EXOC6: variants seen among roughly 807,000 people sequenced by gnomAD.
EXOC6 encodes SEC15-like 1.
A neutral mutation model predicts 112.5 loss-of-function variants in EXOC6; 60 were observed. The ratio of observed to expected loss-of-function variants is 0.53; its 90% CI spans 0.43 to 0.66. The LOEUF (loss-of-function observed/expected upper bound fraction) is 0.66, where lower values mean the gene tolerates loss of function less well. EXOC6 is among the 30% of genes least tolerant of loss of function. The pLI is 0.00. For missense variants in EXOC6, 855 were observed against 957.1 expected, an observed-to-expected ratio of 0.89 and a Z score of 1.41; for synonymous variants, 295 against 308.0, an observed-to-expected ratio of 0.96 and a Z score of 0.44.
intron 8 of EXOC6, among the ~76,000 whole-genome samples, chr10:92,922,134 C>T (rs185543275): frequency 5.3e-5 from 8 of 151,894 alleles, no homozygotes; most frequent in East Asian, 1.9e-4. Flanking sequence ...TTAGTAGAGA[C>T]GGGGTTTCTC....
chr10:92,962,654 A>G (rs1854074401), intron 17 of EXOC6, among the ~76,000 whole-genome samples: 1 of 152,110 alleles, frequency 6.6e-6, no homozygotes, highest in African/African-American at 2.4e-5. Flanking sequence ...CAGCCTCCCA[A>G]AGTGCTGGGA....
upstream of EXOC6, chr10:92,831,425 T>A: frequency 1.1e-6 from 1 of 903,324 alleles, no homozygotes; most frequent in Non-Finnish European, 1.5e-6. Flanking sequence ...TATACTATAT[T>A]CTATTTTTTT....
intron 20 of EXOC6, among the ~76,000 whole-genome samples, chr10:93,039,986 A>G (rs1055730030): frequency 9.2e-5 from 14 of 152,060 alleles, no homozygotes; most frequent in Non-Finnish European, 1.5e-4. Flanking sequence ...CCTCATTTCT[A>G]TTTGTAGACC....
intron 1 of EXOC6, among the ~76,000 whole-genome samples, chr10:92,841,403 C>G (rs1029273527): frequency 2.0e-5 from 3 of 152,154 alleles, no homozygotes; most frequent in Non-Finnish European, 4.4e-5. Context: ...TTTGAAAAAT[C>G]ACATTCACTA....
intron 18 of EXOC6, among the ~76,000 whole-genome samples, chr10:92,974,986 A>G (rs1420111202): frequency 6.6e-6 from 1 of 150,952 alleles, no homozygotes; most frequent in East Asian, 2.0e-4. Context: ...CCCGGCCGCC[A>G]CCCCGTCTGG....
chr10:92,902,355 C>A (rs900952505), intron 5 of EXOC6, among the ~76,000 whole-genome samples: 4 of 151,864 alleles, frequency 2.6e-5, no homozygotes, highest in African/African-American at 9.7e-5. Context: ...GTTCAGTCTT[C>A]TAGATTGGTT....
upstream of EXOC6, among the ~76,000 whole-genome samples, chr10:92,831,128 G>A (rs1207393397): frequency 2.0e-5 from 3 of 152,124 alleles, no homozygotes; most frequent in Admixed American, 6.5e-5. Flanking sequence ...GTTGTTGCCC[G>A]TGTCTCCTAC....
At chr10:92,966,112 T>G (rs1242470756) in intron 17 of EXOC6, among the ~76,000 whole-genome samples, 1 of 152,084 alleles carries the variant, frequency 6.6e-6, no homozygotes, top group Non-Finnish European at 1.5e-5. Flanking sequence ...AACCTGCTTG[T>G]GGTGTCACCT....
At chr10:92,976,501 C>A (rs1433437261) in intron 18 of EXOC6, among the ~76,000 whole-genome samples, 4 of 151,534 alleles carry the variant, frequency 2.6e-5, no homozygotes, top group African/African-American at 9.7e-5. Flanking sequence ...TCCCTAATCT[C>A]AAGTACCCAG....
chr10:92,950,221 G>A (rs1403217286), intron 14 of EXOC6, among the ~76,000 whole-genome samples: 1 of 152,014 alleles, frequency 6.6e-6, no homozygotes, highest in African/African-American at 2.4e-5. Flanking sequence ...GGTTGTGTGT[G>A]TATATTTTTT....
chr10:92,868,935 C>T (rs1052169294), intron 1 of EXOC6, among the ~76,000 whole-genome samples: 50 of 151,888 alleles, frequency 3.3e-4, no homozygotes, highest in African/African-American at 1.2e-3. Flanking sequence ...CCACCTCAGC[C>T]TTCCGAGTAC....
intron 7 of EXOC6, among the ~76,000 whole-genome samples, chr10:92,919,582 T>C (rs1394591628): frequency 1.3e-5 from 2 of 152,192 alleles, no homozygotes; most frequent in African/African-American, 2.4e-5. Flanking sequence ...TGACCAATCA[T>C]ATGACATAGC....
chr10:92,963,545 T>TC (rs2134048801), intron 17 of EXOC6, among the ~76,000 whole-genome samples: 1 of 151,956 alleles, frequency 6.6e-6, no homozygotes, highest in African/African-American at 2.4e-5. Flanking sequence ...TTTTTTTTTT[T>TC]TTTTGGATCA....
intron 20 of EXOC6, among the ~76,000 whole-genome samples, chr10:93,041,824 G>T (rs1325034301): frequency 6.6e-6 from 1 of 152,192 alleles, no homozygotes; most frequent in East Asian, 1.9e-4. Flanking sequence ...TGATTCTTCT[G>T]CCTCAGCCTC....
chr10:92,955,516 A>T, intron 16 of EXOC6, 64 bp from the exon 17 acceptor site: 2 of 1,329,370 alleles, frequency 1.5e-6, no homozygotes, highest in Non-Finnish European at 2.1e-6. Flanking sequence ...TCCCATTTTT[A>T]AAAATTAGGT....
intron 20 of EXOC6, among the ~76,000 whole-genome samples, chr10:93,034,821 C>T (rs1236795974): frequency 6.6e-6 from 1 of 152,196 alleles, no homozygotes; most frequent in Non-Finnish European, 1.5e-5. Context: ...TGTATACACA[C>T]CCTGCCTGCT....
chr10:92,849,570 T>C (rs188095593), intron 1 of EXOC6, among the ~76,000 whole-genome samples: 1 of 152,334 alleles, frequency 6.6e-6, no homozygotes, highest in Admixed American at 6.5e-5. Context: ...ATGAAGTTAT[T>C]ATTCACTTAG....
At chr10:92,972,646 T>C (rs1013110121) in intron 17 of EXOC6, among the ~76,000 whole-genome samples, 19 of 152,172 alleles carry the variant, frequency 1.2e-4, no homozygotes, top group African/African-American at 4.3e-4. Context: ...TCTATCACCA[T>C]GTTGAGTCCT....
chr10:92,949,245 CTG>C (rs1035649012), intron 14 of EXOC6, among the ~76,000 whole-genome samples: 7 of 151,756 alleles, frequency 4.6e-5, no homozygotes, highest in African/African-American at 1.5e-4. Flanking sequence ...TGAATCATGA[CTG>C]TAAATTTTTG....
Sources: gnomAD v4.1 joint callset for allele counts (sites outside exome capture counted in the v4.1 genomes callset) on GRCh38, gnomAD v4.1.1 for gene constraint, MANE v1.5 for transcripts, NCBI Gene and HGNC (gene_info 2026-07-23, HGNC 2026-07-21) for gene names.